The following SLC39A10 variants were observed in gnomAD, a reference collection of about 807,000 sequenced individuals.
SLC39A10 encodes solute carrier family 39 member 10.
A neutral mutation model predicts 65.1 loss-of-function variants in SLC39A10; 13 were observed. The ratio of observed to expected loss-of-function variants is 0.20; its 90% CI spans 0.13 to 0.32. The LOEUF (loss-of-function observed/expected upper bound fraction) is 0.32. Among genes scored for constraint, SLC39A10 ranks in the 10% least tolerant of loss-of-function variants. The pLI is 1.00. For missense variants in SLC39A10, 831 were observed against 1,018.4 expected (o/e 0.82, Z 2.50); for synonymous variants, 321 against 342.2 (o/e 0.94, Z 0.68).
chr2:195,650,081 A>G (rs900216469), intron 2 of SLC39A10, among the ~76,000 whole-genome samples: 1 of 152,148 alleles, frequency 6.6e-6, no homozygotes, highest in African/African-American at 2.4e-5. Flanking sequence ...CAGGGATGAA[A>G]TGCTAACTGT....
At chr2:195,733,295 T>C (rs1692485000) in intron 9 of SLC39A10, among the ~76,000 whole-genome samples, 1 of 152,170 alleles carries the variant, frequency 6.6e-6, no homozygotes, top group Non-Finnish European at 1.5e-5. Flanking sequence ...GACTGCAAAT[T>C]TGAATTATGT....
In SLC39A10 at chr2:195,617,845, T is replaced by C. The variant is rs373933608; in HGVS notation, c.-12+11612T>C. ...AGCTCTGCCTCCTAGGGTCACGCCA[T>C]TCTCCTGCCTCAGCCTCCCGAGTAG... On this transcript the variant is annotated intron_variant, in intron 2 of 2. Coordinates refer to the SLC39A10 transcript ENST00000458054. Among the ~76,000 whole-genome samples, 7 of 151,330 alleles carry C rather than the reference T, an allele frequency of 4.6e-5. 1 individual carries two copies. The South Asian group carries it at 1.0e-3, about 23-fold the overall frequency.
intron 3 of SLC39A10, among the ~76,000 whole-genome samples, chr2:195,689,384 C>T (rs886876830): frequency 5.9e-5 from 9 of 151,906 alleles, no homozygotes; most frequent in South Asian, 4.2e-4. Context: ...ATCACACCAC[C>T]GTACTCCAAC....
At chr2:195,657,881 C>T (rs1201613232) in intron 1 of SLC39A10, among the ~76,000 whole-genome samples, 1 of 152,184 alleles carries the variant, frequency 6.6e-6, no homozygotes, top group Non-Finnish European at 1.5e-5. Context: ...GACGGCGGCG[C>T]CTCTGCTCCT....
At chr2:195,727,154 T>C (rs549005712) in intron 8 of SLC39A10, among the ~76,000 whole-genome samples, 3 of 152,062 alleles carry the variant, frequency 2.0e-5, no homozygotes, top group Admixed American at 1.3e-4. Flanking sequence ...GTTCCAACTT[T>C]AGACAGATGA....
intron 2 of SLC39A10, among the ~76,000 whole-genome samples, chr2:195,622,199 C>T (rs59817105): frequency 0.19 from 29,528 of 151,858 alleles, 3,546 homozygotes; most frequent in East Asian, 0.59. Context: ...AACCCTGTCT[C>T]TACAAAAAAT....
rs757890818 is a variant in SLC39A10, at chr2:195,716,798, G to C, written c.1858G>C (p.Asp620His). The C allele has an allele frequency of 3.0e-5, 48 of 1,614,050 alleles. No homozygotes were observed. Among genetic ancestry groups the C allele is most frequent in the Non-Finnish European group, 3.7e-5 (44 of 1,180,034 alleles). ...TGGATTACATACCATTCATGAGCATGATCTCCATGCTGCTGCACATAACCA... is the reference window on the plus strand; with the variant it reads ...TGGATTACATACCATTCATGAGCATCATCTCCATGCTGCTGCACATAACCA... Reference protein sequence around the residue: ...SDGLHTIHEHDLHAAAHNHHG... With the variant: ...SDGLHTIHEHHLHAAAHNHHG... Residue 620 changes from aspartate (D) to histidine (H), a missense_variant, in exon 7 of 10, where the codon GAT becomes CAT. By Grantham distance (81) the Asp-to-His change is moderately conservative. Coordinates refer to ENST00000359634, the MANE Select transcript of SLC39A10 (RefSeq NM_020342.3).
intron 2 of SLC39A10, among the ~76,000 whole-genome samples, chr2:195,637,311 G>T (rs1688714941): frequency 6.6e-6 from 1 of 152,158 alleles, no homozygotes; most frequent in Non-Finnish European, 1.5e-5. Context: ...TGAGTCTCTG[G>T]CCTGCCTGTC....
intron 1 of SLC39A10, among the ~76,000 whole-genome samples, chr2:195,672,020 G>C (rs911389671): frequency 2.0e-5 from 3 of 151,974 alleles, no homozygotes; most frequent in Non-Finnish European, 1.5e-5. Flanking sequence ...CTGTTATTGA[G>C]AGAGACAAAA....
chr2:195,652,048 C>T (rs1004818808), upstream of SLC39A10, among the ~76,000 whole-genome samples: 8 of 152,106 alleles, frequency 5.3e-5, no homozygotes, highest in Non-Finnish European at 1.0e-4. Flanking sequence ...ATATAAGACA[C>T]AATACATGTA....
intron 1 of SLC39A10, among the ~76,000 whole-genome samples, chr2:195,669,029 C>T (rs1010108583): frequency 2.7e-5 from 4 of 149,628 alleles, no homozygotes; most frequent in Non-Finnish European, 5.9e-5. Flanking sequence ...GAGCCGAGAT[C>T]GTGCCACTGT....
chr2:195,696,330 A>C (rs1020154688), intron 3 of SLC39A10, among the ~76,000 whole-genome samples: 1 of 151,846 alleles, frequency 6.6e-6, no homozygotes, highest in African/African-American at 2.4e-5. Context: ...AAAAAAAAAA[A>C]AAAAACCTAT....
At chr2:195,648,650 C>G (rs1458814429) in intron 2 of SLC39A10, among the ~76,000 whole-genome samples, 1 of 152,076 alleles carries the variant, frequency 6.6e-6, no homozygotes, top group African/African-American at 2.4e-5. Flanking sequence ...ACTGTATACT[C>G]CAGCCTGGGC....
At chr2:195,642,351 A>C (rs1688828067) in intron 2 of SLC39A10, among the ~76,000 whole-genome samples, 1 of 152,194 alleles carries the variant, frequency 6.6e-6, no homozygotes, top group South Asian at 2.1e-4. Flanking sequence ...AGAATCTGTA[A>C]GGATTGGAAG....
intron 2 of SLC39A10, among the ~76,000 whole-genome samples, chr2:195,683,291 A>C (rs923339779): frequency 6.6e-6 from 1 of 152,052 alleles, no homozygotes; most frequent in Non-Finnish European, 1.5e-5. Context: ...TTGGCAATGA[A>C]AATGTCTATA....
intron 2 of SLC39A10, among the ~76,000 whole-genome samples, chr2:195,629,072 A>G (rs536955662): frequency 6.6e-6 from 1 of 152,124 alleles, no homozygotes; most frequent in Admixed American, 6.5e-5. Context: ...CTCCATCCAC[A>G]TAGTTGTTTG....
intron 3 of SLC39A10, among the ~76,000 whole-genome samples, chr2:195,696,892 G>A (rs1232057931): frequency 6.6e-6 from 1 of 152,144 alleles, no homozygotes; most frequent in Non-Finnish European, 1.5e-5. Context: ...GAGTTTATTG[G>A]AGAAAGTATA....
intron 1 of SLC39A10, chr2:195,658,332 T>A (rs1689246883): frequency 6.6e-6 from 1 of 152,218 alleles, no homozygotes; most frequent in Non-Finnish European, 1.5e-5. Flanking sequence ...CTGCAGAACC[T>A]GAAGCCCTCC....
chr2:195,643,348 A>G (rs72929775), intron 2 of SLC39A10, among the ~76,000 whole-genome samples: 25,450 of 152,164 alleles, frequency 0.17, 2,271 homozygotes, highest in Middle Eastern at 0.27. Flanking sequence ...GGCAGAGTGC[A>G]TACAAGGATG....
Sources: allele counts gnomAD v4.1 joint callset (sites outside exome capture counted in the v4.1 genomes callset), GRCh38; gene constraint gnomAD v4.1.1; transcripts MANE v1.5; gene names NCBI Gene and HGNC (gene_info 2026-07-23, HGNC 2026-07-21).